MAN2A2: variants seen among roughly 807,000 people sequenced by gnomAD.
MAN2A2 encodes alpha-mannosidase 2x.
In MAN2A2, 79 loss-of-function variants were observed where a neutral mutation model predicts 126.8. The observed-to-expected ratio is 0.62, with a 90% CI of 0.52 to 0.75. The LOEUF (loss-of-function observed/expected upper bound fraction) is 0.75. Ranked by LOEUF, MAN2A2 falls within the 30% of genes least tolerant of loss-of-function variation. The probability of loss-of-function intolerance (pLI) is 0.00; values close to 1 mark genes in which losing one functional copy is unlikely to be tolerated. For missense variants in MAN2A2, 1,392 were observed against 1,522.4 expected (o/e 0.91, Z 1.43); for synonymous variants, 671 against 618.7 (o/e 1.08, Z -1.25).
chr15:90,908,644 C>T (rs2034485857), intron 8 of MAN2A2, among the ~76,000 whole-genome samples: 2 of 148,198 alleles, frequency 1.3e-5, no homozygotes, highest in South Asian at 2.1e-4. Context: ...GGTGCAATTT[C>T]GGCTCACCGC....
rs561238630 is a variant in MAN2A2 at position 90,903,474 on chromosome 15, C to A, written c.-19+42C>A. On this transcript the variant is annotated intron_variant, in intron 1 of 22. Transcript: ENST00000559717. ...GGCGGTGGCGGCGGGGGGCACGGGT[C>A]CCCTGAAGTTGCCTCGCAGCTGAGC... 1.2e-3 allele frequency: 178 copies of A among 153,382 alleles called. 2 individuals carry two copies. The highest frequency in any genetic ancestry group is 2.1e-3 in the Non-Finnish European group (142 of 68,786). The allele number at this position is 153,382 out of a possible 1,614,324, so 9.5% of individuals were successfully genotyped here.
intron 8 of MAN2A2, 29 bp downstream of exon 8, chr15:90,907,524 A>C: frequency 6.3e-7 from 1 of 1,593,948 alleles, no homozygotes. Flanking sequence ...TTCACTTCAC[A>C]GAGGAATCGG....
At chr15:90,905,016 T>C (rs536174898) in intron 2 of MAN2A2, among the ~76,000 whole-genome samples, 27 of 152,318 alleles carry the variant, frequency 1.8e-4, no homozygotes, top group Non-Finnish European at 2.9e-4. Flanking sequence ...AGGAAATCTT[T>C]GCCATCCCTG....
At position 90,909,585 on chromosome 15, in the gene MAN2A2, A is replaced by C. The variant is rs886313719; in HGVS notation, c.1374+81A>C. 69 of 1,415,820 alleles carry C rather than the reference A, an allele frequency of 4.9e-5. 1 individual carries two copies. The highest frequency in any genetic ancestry group is 4.5e-4 in the Admixed American group (19 of 42,144). The allele number at this position is 1,415,820 out of a possible 1,614,324, so 87.7% of individuals were successfully genotyped here. On this transcript the variant is annotated intron_variant, in intron 9 of 22. Coordinates refer to ENST00000559717, the MANE Select transcript of MAN2A2 (RefSeq NM_006122.4). ...CCGTGAGACCGTGCCCTGGGTTCCC[A>C]ACTCGGGCAGGGTGCCCCCCTTTTT... is the stretch of plus-strand genomic sequence containing the variant.
chr15:90,902,790 G>T (rs991897131), upstream of MAN2A2: 3 of 146,150 alleles, frequency 2.1e-5, no homozygotes, highest in Admixed American at 2.0e-4. Flanking sequence ...CGGCGCAGCG[G>T]AGCGCGCCGG....
In MAN2A2 at chr15:90,918,406, T is replaced by A; in HGVS notation, c.3189+18T>A. The A allele has an allele frequency of 6.2e-7, 1 of 1,608,518 alleles. No homozygotes were observed. On this transcript the variant is annotated intron_variant, in intron 21 of 22. Coordinates refer to ENST00000559717, the MANE Select transcript of MAN2A2 (RefSeq NM_006122.4). Reference sequence around the variant, plus strand: ...AGGCTGAGGTGAGTGTCCCTCAGCGTGACATGCTGAGAGCAGAGTTCTGAT... The same window carrying A: ...AGGCTGAGGTGAGTGTCCCTCAGCGAGACATGCTGAGAGCAGAGTTCTGAT...
Position 90,904,347 on chromosome 15 carries a change from G to A in MAN2A2, c.132+8G>A. ...GGTGGGAACTTCCCCCGGGTGAGTC[G>A]TGCCTGGTTGCTAATTTCTTTGTAT... is the stretch of plus-strand genomic sequence containing the variant. On this transcript the variant is annotated splice_region_variant and intron_variant, in intron 2 of 22. Coordinates refer to ENST00000559717, the MANE Select transcript of MAN2A2 (RefSeq NM_006122.4). 1.2e-6 allele frequency: 2 copies of A among 1,611,808 alleles called. No homozygotes were observed. Among genetic ancestry groups the A allele is most frequent in the Non-Finnish European group, 1.7e-6 (2 of 1,178,228 alleles).
intron 5 of MAN2A2, 80 bp from the exon 6 acceptor site, chr15:90,906,290 A>G: frequency 6.4e-7 from 1 of 1,567,718 alleles, no homozygotes; most frequent in Non-Finnish European, 8.7e-7. Context: ...AGGCCAGTGC[A>G]CACAGGCCCT....
rs542275390 is a variant in MAN2A2, at chr15:90,904,224, A to T, written c.17A>T (p.Gln6Leu). The T allele has an allele frequency of 1.2e-6, 2 of 1,614,216 alleles. No homozygotes were observed. The highest frequency in any genetic ancestry group is 2.2e-5 in the East Asian group (1 of 44,890). The change falls in exon 2 of 23, where the codon CAG becomes CTG. Residue 6 changes from glutamine to leucine, a missense_variant. Coordinates refer to ENST00000559717, the MANE Select transcript of MAN2A2 (RefSeq NM_006122.4). MKLKK[Q>L]VTVCGAAIFC... ...GAGGCCAGTATGAAGCTGAAAAAGCAGGTGACAGTGTGTGGGGCTGCCATC... is the reference window on the plus strand; with the variant it reads ...GAGGCCAGTATGAAGCTGAAAAAGCTGGTGACAGTGTGTGGGGCTGCCATC...
In MAN2A2 at chr15:90,906,793, A is replaced by G. The variant is rs775339108; in HGVS notation, c.889A>G (p.Met297Val). Residue 297 changes from methionine (M) to valine (V), a missense_variant, in exon 7 of 23, where the codon ATG becomes GTG. By Grantham distance (21) the Met-to-Val change is conservative. Transcript: ENST00000559717. ...AVDPFGYSST[M>V]PYLLRRANLT... ...GGACCCCTTTGGATACAGCTCCACCATGCCTTACCTGCTGCGCCGTGCCAA... is the reference window on the plus strand; with the variant it reads ...GGACCCCTTTGGATACAGCTCCACCGTGCCTTACCTGCTGCGCCGTGCCAA... 6.2e-7 allele frequency: 1 copy of G among 1,613,850 alleles called. No individual in the cohort carries two copies. Among genetic ancestry groups the G allele is most frequent in the South Asian group, 1.1e-5 (1 of 91,088 alleles).
rs1259322976 is a variant in MAN2A2 at position 90,911,070 on chromosome 15, G to A, written c.1876-101G>A. On this transcript the variant is annotated intron_variant, in intron 12 of 22. Coordinates refer to ENST00000559717, the MANE Select transcript of MAN2A2 (RefSeq NM_006122.4). ...TCTTTTTCCTTCCCCATCCGGATGA[G>A]TTCTGTGCCCAGTGCAGCCGCTGGT... 2.7e-6 allele frequency: 4 copies of A among 1,493,874 alleles called. No homozygotes were observed. In the African/African-American group the frequency reaches 4.2e-5, roughly 16 times the overall value. 92.5% of individuals were successfully genotyped at this position (1,493,874 alleles called of 1,614,324 possible).
intron 17 of MAN2A2, 131 bp downstream of exon 17, chr15:90,913,122 T>C: frequency 8.3e-7 from 1 of 1,205,740 alleles, no homozygotes. Flanking sequence ...CTCCATTCTC[T>C]TGGAGAAAAA....
chr15:90,918,355 C>T lies in MAN2A2; in HGVS notation c.3156C>T (p.Phe1052=), dbSNP rs2035346460. 6.2e-7 allele frequency: 1 copy of T among 1,614,066 alleles called. No homozygotes were observed. Among genetic ancestry groups the T allele is most frequent in the Non-Finnish European group, 8.5e-7 (1 of 1,180,028 alleles). The change falls in exon 21 of 23, where the codon TTC becomes TTT. Residue 1052 remains phenylalanine (F), a synonymous_variant. Transcript: ENST00000559717. ...HPLASSLPCD[F]HLLNLRTLQA... is the part of the protein sequence containing the mutation. ...TGGCTTCCTCACTGCCCTGTGACTT[C>T]CACCTGCTCAACCTACGTACGCTCC...
In MAN2A2 at chr15:90,913,663, AC is replaced by A. The variant is rs1345699390; in HGVS notation, c.2772del (p.Met925CysfsTer34). 1 of 1,611,864 alleles carries A rather than the reference AC, an allele frequency of 6.2e-7. No homozygotes were observed. Among genetic ancestry groups the A allele is most frequent in the South Asian group, 1.1e-5 (1 of 90,552 alleles). On this transcript the variant is annotated frameshift_variant, in exon 19 of 23. Transcript: ENST00000559717. LOFTEE classifies it high-confidence loss of function. ...AAGCTCCCCCTCCAGGCCAACTTCT[AC>A]CCCATGCCAGTCATGGCCTATATCC... Reference protein sequence around the residue: ...LKKLPLQANFYPMPVMAYIQD... With the variant: ...LKKLPLQANFXPMPVMAYIQD...
At chr15:90,912,376 C>T in intron 15 of MAN2A2, 97 bp downstream of exon 15, 2 of 1,561,228 alleles carry the variant, frequency 1.3e-6, no homozygotes, top group Non-Finnish European at 1.8e-6. Context: ...TGTGAGCATT[C>T]TGCCACCTGA....
At chr15:90,902,797 C>T (rs1190454473), upstream of MAN2A2, 1 of 146,120 alleles carries the variant, frequency 6.8e-6, no homozygotes, top group African/African-American at 2.5e-5. Context: ...GCGGAGCGCG[C>T]CGGCGGCCCG....
intron 19 of MAN2A2, 29 bp from the exon 20 acceptor site, chr15:90,916,094 G>A (rs374342720): frequency 2.7e-5 from 43 of 1,608,888 alleles, no homozygotes; most frequent in East Asian, 6.7e-5. Context: ...GGGTGGGGGC[G>A]GGCCAGCACT....
intron 14 of MAN2A2, 162 bp from the exon 15 acceptor site, chr15:90,911,881 G>C (rs2034776519): frequency 1.5e-6 from 1 of 681,126 alleles, no homozygotes; most frequent in South Asian, 1.7e-5. Flanking sequence ...CATAAAGTCT[G>C]ATGAGGAAGA....
At chr15:90,916,349 G>A in intron 20 of MAN2A2, 93 bp downstream of exon 20, 1 of 1,500,380 alleles carries the variant, frequency 6.7e-7, no homozygotes, top group Non-Finnish European at 9.0e-7. Context: ...AGCGTAGTTG[G>A]AGGTGGGCAA....
Sources: gnomAD v4.1 joint callset for allele counts (sites outside exome capture counted in the v4.1 genomes callset) on GRCh38, gnomAD v4.1.1 for gene constraint, MANE v1.5 for transcripts, NCBI Gene and HGNC (gene_info 2026-07-23, HGNC 2026-07-21) for gene names.